The following MACROD2 variants were observed in gnomAD, a reference collection of about 807,000 sequenced individuals.
MACROD2 encodes mono-ADP ribosylhydrolase 2, also known as ADP-ribose glycohydrolase MACROD2.
MACROD2 carries 36 observed loss-of-function variants against 70.4 expected under a neutral mutation model. The observed-to-expected ratio is 0.51, with a 90% CI of 0.39 to 0.68. The LOEUF is 0.68. Among genes scored for constraint, MACROD2 ranks in the 30% least tolerant of loss-of-function variants. MACROD2 has a pLI of 0.00. For missense variants in MACROD2, 496 were observed against 538.4 expected (o/e 0.92, Z 0.78); for synonymous variants, 172 against 178.8 (o/e 0.96, Z 0.30).
chr20:15,898,465 T>C (rs2065007902), intron 10 of MACROD2, among the ~76,000 whole-genome samples: 1 of 149,692 alleles, frequency 6.7e-6, no homozygotes, highest in Admixed American at 6.8e-5. Flanking sequence ...GCATCAGAAT[T>C]GCTTGAACCT....
chr20:15,500,499 A>G (rs1205172242), intron 8 of MACROD2, among the ~76,000 whole-genome samples: 1 of 152,176 alleles, frequency 6.6e-6, no homozygotes, highest in Non-Finnish European at 1.5e-5. Flanking sequence ...GTTAAATTTC[A>G]GAGATTTGTC....
intron 8 of MACROD2, among the ~76,000 whole-genome samples, chr20:15,538,307 A>T (rs1386429921): frequency 1.3e-5 from 2 of 152,128 alleles, no homozygotes; most frequent in South Asian, 2.1e-4. Context: ...AAGGAAGGGG[A>T]TAGATTTTAA....
chr20:14,716,612 C>T (rs1251473219), intron 5 of MACROD2, among the ~76,000 whole-genome samples: 3 of 152,098 alleles, frequency 2.0e-5, no homozygotes, highest in East Asian at 3.9e-4. Context: ...ACAATGTTAG[C>T]GATTCAGTTT....
Position 15,658,442 on chromosome 20 carries a change from G to C in MACROD2, c.645+158595G>C, listed in dbSNP as rs79236980. The stretch of plus-strand genomic sequence containing the variant: ...CCACTGGATAACAAAGGCAGTATCT[G>C]TTTTCTGGGCCTCATTGTTTGCAGG... On this transcript the variant is annotated intron_variant, in intron 8 of 17. Transcript: ENST00000684519. 1.2e-3 allele frequency among the ~76,000 whole-genome samples: 184 copies of C among 152,228 alleles called. 3 individuals carry two copies. The East Asian group carries it at 0.022, about 18-fold the overall frequency.
At chr20:15,636,424 T>C (rs2049370362) in intron 8 of MACROD2, among the ~76,000 whole-genome samples, 1 of 152,192 alleles carries the variant, frequency 6.6e-6, no homozygotes, top group African/African-American at 2.4e-5. Flanking sequence ...CAGAAGACAA[T>C]GTGATTCTTT....
At chr20:15,042,932 C>T (rs1212972141) in intron 5 of MACROD2, among the ~76,000 whole-genome samples, 1 of 152,186 alleles carries the variant, frequency 6.6e-6, no homozygotes, top group African/African-American at 2.4e-5. Context: ...TGACATGGCA[C>T]GGAACTTTAA....
intron 11 of MACROD2, among the ~76,000 whole-genome samples, chr20:15,936,461 CTA>C (rs2065662660): frequency 6.8e-6 from 1 of 147,600 alleles, no homozygotes. Context: ...TATATATACT[CTA>C]TAATTTATAT....
intron 5 of MACROD2, among the ~76,000 whole-genome samples, chr20:14,834,529 A>G (rs1292821181): frequency 1.3e-5 from 2 of 152,052 alleles, no homozygotes; most frequent in East Asian, 3.9e-4. Flanking sequence ...GAAGGGACCC[A>G]TTAAGTGTAT....
intron 6 of MACROD2, among the ~76,000 whole-genome samples, chr20:15,345,617 G>A (rs2078157543): frequency 6.6e-6 from 1 of 152,196 alleles, no homozygotes; most frequent in Non-Finnish European, 1.5e-5. Context: ...GGTAGCCACT[G>A]GAAATATGTG....
rs1043644198 is a variant in MACROD2, at chr20:13,995,524, C to T, written c.-240C>T. The T allele has an allele frequency of 3.3e-6, 2 of 613,932 alleles. No homozygotes were observed. Among genetic ancestry groups the T allele is most frequent in the African/African-American group, 1.8e-5 (1 of 54,464 alleles). The allele number at this position is 613,932 out of a possible 1,614,324, so 38.0% of individuals were successfully genotyped here. On this transcript the variant is annotated 5_prime_UTR_variant, in exon 1 of 18. Transcript: ENST00000684519. The surrounding 1 kb of genome is among the most constrained non-coding windows in gnomAD (Gnocchi z 4.3). ...CGAGGCGTGACCTAGTTGACAGGCTCTGAGGTGCTGCTGTGGCGGCGTCCG... is the reference window on the plus strand; with the variant it reads ...CGAGGCGTGACCTAGTTGACAGGCTTTGAGGTGCTGCTGTGGCGGCGTCCG...
chr20:14,978,375 G>GC (rs5840643), intron 5 of MACROD2, among the ~76,000 whole-genome samples: 15 of 138,666 alleles, frequency 1.1e-4, no homozygotes, highest in South Asian at 7.2e-4. Context: ...TCCGCGCCCC[G>GC]CCCCCCCCAC....
At chr20:15,533,224 A>G (rs1287669806) in intron 8 of MACROD2, among the ~76,000 whole-genome samples, 1 of 152,214 alleles carries the variant, frequency 6.6e-6, no homozygotes, top group African/African-American at 2.4e-5. Flanking sequence ...GGCTCATTCT[A>G]AAAGTTTAAT....
chr20:14,049,694 A>T (rs12329574), intron 2 of MACROD2, among the ~76,000 whole-genome samples: 2 of 151,764 alleles, frequency 1.3e-5, no homozygotes, highest in East Asian at 1.9e-4. Flanking sequence ...CAGAGGTTAC[A>T]GTGAGCCGAG....
chr20:15,357,353 A>T (rs1439002637), intron 6 of MACROD2, among the ~76,000 whole-genome samples: 1 of 152,150 alleles, frequency 6.6e-6, no homozygotes, highest in Non-Finnish European at 1.5e-5. Flanking sequence ...TCAATTTTTT[A>T]AAAATAACCA....
At chr20:15,886,075 A>G (rs531014677) in intron 10 of MACROD2, among the ~76,000 whole-genome samples, 1 of 152,250 alleles carries the variant, frequency 6.6e-6, no homozygotes, top group South Asian at 2.1e-4. Flanking sequence ...TATATAACGA[A>G]TCACCCCCAA....
At chr20:14,669,480 G>A (rs1054263973) in intron 4 of MACROD2, among the ~76,000 whole-genome samples, 1 of 152,048 alleles carries the variant, frequency 6.6e-6, no homozygotes, top group South Asian at 2.1e-4. Flanking sequence ...GAGCAGATGG[G>A]GTATAAGCCA....
At chr20:14,130,253 A>T (rs1018628154) in intron 3 of MACROD2, among the ~76,000 whole-genome samples, 22 of 152,216 alleles carry the variant, frequency 1.4e-4, no homozygotes, top group Non-Finnish European at 1.2e-4. Context: ...TTTTTAAACC[A>T]AGAAAATATC....
At chr20:14,771,886 G>T (rs940222314) in intron 5 of MACROD2, among the ~76,000 whole-genome samples, 10 of 151,732 alleles carry the variant, frequency 6.6e-5, no homozygotes, top group Middle Eastern at 3.2e-3. Context: ...TAATTAGAAC[G>T]TGCAAACTCA....
intron 15 of MACROD2, among the ~76,000 whole-genome samples, chr20:16,011,415 C>T (rs2066861122): frequency 6.6e-6 from 1 of 152,126 alleles, no homozygotes; most frequent in African/African-American, 2.4e-5. Flanking sequence ...CAGAGTTGAA[C>T]CAGTGGTAAA....
Sources: allele counts gnomAD v4.1 joint callset (sites outside exome capture counted in the v4.1 genomes callset), GRCh38; gene constraint gnomAD v4.1.1; non-coding constraint Gnocchi (gnomAD v3.1); transcripts MANE v1.5; gene names NCBI Gene and HGNC (gene_info 2026-07-23, HGNC 2026-07-21).